GLIS1: variants seen among roughly 807,000 people sequenced by gnomAD.
GLIS1 encodes GLIS family zinc finger 1.
Under a neutral mutation model 63.8 loss-of-function variants are expected in GLIS1, and 24 were observed. That is an observed-to-expected ratio of 0.38 (90% CI 0.27 to 0.53). The LOEUF is 0.53. Ranked by LOEUF, GLIS1 falls within the 20% of genes least tolerant of loss-of-function variation. The pLI, the probability that GLIS1 is intolerant of heterozygous loss-of-function variation, is 0.85. For missense variants in GLIS1, 1,036 were observed against 1,074.1 expected, an observed-to-expected ratio of 0.96 and a Z score of 0.50; for synonymous variants, 450 against 482.5, an observed-to-expected ratio of 0.93 and a Z score of 0.88.
At chr1:53,606,736 C>T (rs1295571196) in intron 2 of GLIS1, among the ~76,000 whole-genome samples, 3 of 152,246 alleles carry the variant, frequency 2.0e-5, no homozygotes, top group African/African-American at 7.2e-5. Flanking sequence ...TCATGGCCAT[C>T]AGAGGGGCCG....
At chr1:53,576,906 C>T (rs1645037150) in intron 4 of GLIS1, among the ~76,000 whole-genome samples, 1 of 152,084 alleles carries the variant, frequency 6.6e-6, no homozygotes, top group Non-Finnish European at 1.5e-5. Context: ...CAGCCCTTCT[C>T]ATTCACATTC....
chr1:53,639,438 C>T lies in GLIS1; in HGVS notation c.260-39160G>A, dbSNP rs1483594429. On this transcript the variant is annotated intron_variant, in intron 2 of 10. Coordinates refer to ENST00000628545, the MANE Select transcript of GLIS1 (RefSeq NM_001367484.1). This position sits in a 1 kb window ranked among gnomAD's most constrained non-coding sequence, Gnocchi z 4.6. ...CCACTCTGAGAACGCCTGTCCCTCTCGGGGCTGGCAGGAGGCACCCCATAA... is the reference window on the plus strand; with the variant it reads ...CCACTCTGAGAACGCCTGTCCCTCTTGGGGCTGGCAGGAGGCACCCCATAA... Among the ~76,000 whole-genome samples the T allele has an allele frequency of 2.0e-5, 3 of 151,984 alleles. No homozygotes were observed. The highest frequency in any genetic ancestry group is 3.9e-4 in the East Asian group (2 of 5,172).
chr1:53,601,573 C>T (rs946226795), intron 2 of GLIS1, among the ~76,000 whole-genome samples: 4 of 152,158 alleles, frequency 2.6e-5, no homozygotes, highest in African/African-American at 9.7e-5. Flanking sequence ...ACACCACTGT[C>T]GCACTTGAGC....
Position 53,737,976 on chromosome 1 carries a change from A to G in GLIS1, c.89T>C (p.Leu30Pro). The change falls in exon 2 of 11, where the codon CTC (leucine) becomes CCC (proline). Residue 30 changes from leucine (L) to proline (P), a missense_variant. Leu to Pro is a moderately conservative substitution (Grantham distance 98, BLOSUM62 -3). Around this residue, in one of 3 missense-constraint regions of GLIS1, gnomAD observed 592 missense variants for 593.9 expected, o/e 1.00. Coordinates refer to ENST00000628545, the MANE Select transcript of GLIS1 (RefSeq NM_001367484.1). ...APGPDRGPAS[L>P]GAHMAFRVTV... ...GACCCTGAAGGCCATGTGCGCGCCG[A>G]GGCTGGCGGGGCCGCGGTCGGGGCC... 1 of 1,230,284 alleles carries G rather than the reference A, an allele frequency of 8.1e-7. No homozygotes were observed. Among genetic ancestry groups the G allele is most frequent in the Non-Finnish European group, 1.0e-6 (1 of 987,014 alleles). The allele number at this position is 1,230,284 out of a possible 1,614,324, so 76.2% of individuals were successfully genotyped here. A position where few individuals can be genotyped will look rare whatever the true frequency, so the allele number is the denominator to read the frequency against.
intron 4 of GLIS1, among the ~76,000 whole-genome samples, chr1:53,570,389 T>G (rs565092085): frequency 6.6e-6 from 1 of 152,228 alleles, no homozygotes; most frequent in African/African-American, 2.4e-5. Flanking sequence ...CACAAGTAGC[T>G]GGTATTACGA....
At chr1:53,633,577 C>T (rs1321507046) in intron 2 of GLIS1, among the ~76,000 whole-genome samples, 2 of 151,976 alleles carry the variant, frequency 1.3e-5, no homozygotes, top group African/African-American at 4.8e-5. Context: ...CCTTGTGTGG[C>T]TCTTCCTTTA....
chr1:53,635,232 G>T (rs1040784075), intron 2 of GLIS1, among the ~76,000 whole-genome samples: 1 of 152,106 alleles, frequency 6.6e-6, no homozygotes, highest in Admixed American at 6.5e-5. Flanking sequence ...GAAACCGACC[G>T]TGGACTGGGC....
chr1:53,729,406 G>A (rs1045415690), intron 2 of GLIS1, among the ~76,000 whole-genome samples: 3 of 152,170 alleles, frequency 2.0e-5, no homozygotes, highest in Non-Finnish European at 4.4e-5. Context: ...TGGCCTCAGC[G>A]TGGGATTTGG....
chr1:53,510,156 A>C, intron 8 of GLIS1, 129 bp from the exon 9 acceptor site: 1 of 439,618 alleles, frequency 2.3e-6, no homozygotes. Context: ...TCCGACTTAC[A>C]ATAGTTAGAA....
rs577245778 is a variant in GLIS1, at chr1:53,556,394, G to A, written c.1321-26442C>T. The stretch of plus-strand genomic sequence containing the variant: ...GTCTGTGCAGGTGTACTGCAGGTGT[G>A]TGTGTGTGTGCAGGTGTACTGTAGG... On this transcript the variant is annotated intron_variant, in intron 4 of 10. Coordinates refer to ENST00000628545, the MANE Select transcript of GLIS1 (RefSeq NM_001367484.1). 2.1e-4 allele frequency among the ~76,000 whole-genome samples: 31 copies of A among 149,292 alleles called. No individual in the cohort carries two copies. In the East Asian group the frequency reaches 5.7e-3, roughly 27 times the overall value.
At chr1:53,576,919 A>G (rs1645037320) in intron 4 of GLIS1, among the ~76,000 whole-genome samples, 1 of 151,746 alleles carries the variant, frequency 6.6e-6, no homozygotes, top group Non-Finnish European at 1.5e-5. Flanking sequence ...TCACATTCTA[A>G]CAAGGCCCAG....
At chr1:53,673,107 T>C (rs1472842161) in intron 2 of GLIS1, among the ~76,000 whole-genome samples, 5 of 152,172 alleles carry the variant, frequency 3.3e-5, no homozygotes, top group Non-Finnish European at 7.4e-5. Context: ...GGTGGAAGCC[T>C]TGTTCCAATC....
chr1:53,664,979 A>C (rs1174844743), intron 2 of GLIS1, among the ~76,000 whole-genome samples: 1 of 152,218 alleles, frequency 6.6e-6, no homozygotes, highest in East Asian at 1.9e-4. Flanking sequence ...AAATGAGGCC[A>C]GAGTGAGCAA....
intron 10 of GLIS1, among the ~76,000 whole-genome samples, chr1:53,507,653 G>T (rs1468648494): frequency 2.0e-5 from 3 of 152,236 alleles, no homozygotes; most frequent in Non-Finnish European, 4.4e-5. Flanking sequence ...TTCATGCTCT[G>T]TGTGTGATTT....
intron 2 of GLIS1, among the ~76,000 whole-genome samples, chr1:53,686,291 G>A (rs889490359): frequency 3.3e-5 from 5 of 152,154 alleles, no homozygotes; most frequent in East Asian, 1.9e-4. Flanking sequence ...AAGTCAGACC[G>A]TGGCCCCTTG....
At chr1:53,510,058 C>G (rs750309999) in intron 8 of GLIS1, 31 bp from the exon 9 acceptor site, 3 of 1,240,512 alleles carry the variant, frequency 2.4e-6, no homozygotes, top group Admixed American at 4.1e-5. Flanking sequence ...CATCAGCAGG[C>G]AGGGGTCTGG....
At chr1:53,587,266 G>T (rs1013115458) in intron 4 of GLIS1, among the ~76,000 whole-genome samples, 1 of 152,124 alleles carries the variant, frequency 6.6e-6, no homozygotes, top group African/African-American at 2.4e-5. Context: ...TGCTCTCTGG[G>T]CTTCAGCTTC....
At chr1:53,555,196 T>C (rs1034438648) in intron 4 of GLIS1, among the ~76,000 whole-genome samples, 2 of 152,212 alleles carry the variant, frequency 1.3e-5, no homozygotes, top group African/African-American at 2.4e-5. Flanking sequence ...TCTTATACCT[T>C]GTTTGTGGCT....
intron 4 of GLIS1, among the ~76,000 whole-genome samples, chr1:53,549,242 C>T (rs1425303405): frequency 6.6e-6 from 1 of 152,198 alleles, no homozygotes; most frequent in Non-Finnish European, 1.5e-5. Flanking sequence ...CTGTTGTGAA[C>T]ATTCATGTAC....
Sources: gnomAD v4.1 joint callset for allele counts (sites outside exome capture counted in the v4.1 genomes callset) on GRCh38, gnomAD v4.1.1 for gene constraint, gnomAD v4.1.1 regional missense constraint, Gnocchi (gnomAD v3.1) non-coding constraint, MANE v1.5 for transcripts, NCBI Gene and HGNC (gene_info 2026-07-23, HGNC 2026-07-21) for gene names.